The following BACH2 variants were observed in gnomAD, a reference collection of about 807,000 sequenced individuals.
BACH2 encodes BACH transcriptional regulator 2.
A neutral mutation model predicts 61.8 loss-of-function variants in BACH2; 5 were observed. That is an observed-to-expected ratio of 0.08 (90% CI 0.04 to 0.17). The LOEUF is 0.17. BACH2 is among the 10% of genes least tolerant of loss of function. The pLI, the probability that BACH2 is intolerant of heterozygous loss-of-function variation, is 1.00. For synonymous variants in BACH2, 446 were observed against 440.1 expected (o/e 1.01, Z -0.17); for missense variants, 824 against 1,091.1 (o/e 0.76, Z 3.45).
chr6:89,971,431 G>A (rs1279697637), intron 6 of BACH2, among the ~76,000 whole-genome samples: 1 of 152,146 alleles, frequency 6.6e-6, no homozygotes, highest in Non-Finnish European at 1.5e-5. Context: ...TAGGTGCTGG[G>A]GGCATAAAAC....
intron 4 of BACH2, among the ~76,000 whole-genome samples, chr6:90,117,644 C>T (rs1362017811): frequency 3.3e-5 from 5 of 152,126 alleles, no homozygotes; most frequent in African/African-American, 9.7e-5. Flanking sequence ...TAAGACACAA[C>T]AGGTGCTCAA....
At chr6:90,283,105 G>A (rs1771907428) in intron 1 of BACH2, among the ~76,000 whole-genome samples, 1 of 152,162 alleles carries the variant, frequency 6.6e-6, no homozygotes, top group African/African-American at 2.4e-5. Flanking sequence ...GTTTATTAAT[G>A]AAGCTGAGCA....
intron 6 of BACH2, among the ~76,000 whole-genome samples, chr6:89,970,753 T>C (rs944015844): frequency 6.6e-6 from 1 of 152,154 alleles, no homozygotes; most frequent in Non-Finnish European, 1.5e-5. Context: ...TCTTTGTTCA[T>C]ATGCCCAGGC....
chr6:90,024,410 C>T (rs565482104), intron 5 of BACH2, among the ~76,000 whole-genome samples: 1 of 152,128 alleles, frequency 6.6e-6, no homozygotes, highest in Non-Finnish European at 1.5e-5. Flanking sequence ...AGGGATGAGG[C>T]CTTTTGGGAG....
chr6:90,117,041 T>G, intron 4 of BACH2: 1 of 340,204 alleles, frequency 2.9e-6, no homozygotes, highest in East Asian at 7.0e-5. Context: ...GTACTGTCTA[T>G]GAATTCAGCC....
intron 6 of BACH2, among the ~76,000 whole-genome samples, chr6:89,959,618 G>A (rs1211529119): frequency 6.6e-6 from 1 of 152,260 alleles, no homozygotes; most frequent in African/African-American, 2.4e-5. Flanking sequence ...GTGTATCTCT[G>A]TAACACTACT....
chr6:89,997,919 A>G (rs959426683), intron 6 of BACH2, among the ~76,000 whole-genome samples: 1 of 152,228 alleles, frequency 6.6e-6, no homozygotes. Context: ...ACTTTTGGGA[A>G]GAATAAGCTG....
At chr6:90,175,197 C>T (rs1189524280) in intron 4 of BACH2, among the ~76,000 whole-genome samples, 2 of 151,574 alleles carry the variant, frequency 1.3e-5, no homozygotes, top group Middle Eastern at 3.4e-3. Context: ...GTCAATGTTA[C>T]TTCAAGTTGG....
At chr6:90,114,033 T>C (rs1422097991) in intron 4 of BACH2, among the ~76,000 whole-genome samples, 1 of 151,982 alleles carries the variant, frequency 6.6e-6, no homozygotes, top group African/African-American at 2.4e-5. Flanking sequence ...ATAAATAGCT[T>C]AGCAACCGAA....
intron 4 of BACH2, among the ~76,000 whole-genome samples, chr6:90,180,899 CAT>C (rs764024345): frequency 9.3e-5 from 14 of 150,496 alleles, no homozygotes; most frequent in South Asian, 2.1e-4. Flanking sequence ...ACATTCCTCA[CAT>C]GTTTTATCCA....
At chr6:89,977,736 T>C (rs1324122671) in intron 6 of BACH2, among the ~76,000 whole-genome samples, 1 of 152,048 alleles carries the variant, frequency 6.6e-6, no homozygotes, top group Non-Finnish European at 1.5e-5. Context: ...TATGTTAGGT[T>C]AAGTCATTGC....
chr6:90,051,796 T>C (rs1780059400), intron 5 of BACH2, among the ~76,000 whole-genome samples: 1 of 152,100 alleles, frequency 6.6e-6, no homozygotes, highest in Admixed American at 6.6e-5. Flanking sequence ...TCCCAGAACT[T>C]AAAATAAAAA....
intron 7 of BACH2, among the ~76,000 whole-genome samples, chr6:89,941,193 T>C (rs1282276240): frequency 6.6e-6 from 1 of 152,242 alleles, no homozygotes; most frequent in Non-Finnish European, 1.5e-5. Context: ...GGTTACATCA[T>C]TTGCAGGCAG....
At chr6:90,099,242 G>C (rs981855320) in intron 4 of BACH2, among the ~76,000 whole-genome samples, 1 of 152,096 alleles carries the variant, frequency 6.6e-6, no homozygotes, top group African/African-American at 2.4e-5. Context: ...GAGAAGTGTG[G>C]GGCAGTGAAT....
chr6:89,948,217 T>C lies in BACH2; in HGVS notation c.1836+2053A>G, dbSNP rs370338023. ...TTGAGCTTAATGGCCAGCCTTTTAT[T>C]TTTTTTTGAGACAGGGTCTCACTTT... On this transcript the variant is annotated intron_variant, in intron 7 of 8. Coordinates refer to ENST00000257749, the MANE Select transcript of BACH2 (RefSeq NM_021813.4). 1.2e-4 allele frequency among the ~76,000 whole-genome samples: 18 copies of C among 151,822 alleles called. 1 individual carries two copies. The South Asian group carries it at 1.9e-3, about 16-fold the overall frequency.
chr6:90,208,181 G>T (rs972675181), intron 3 of BACH2, among the ~76,000 whole-genome samples: 1 of 152,148 alleles, frequency 6.6e-6, no homozygotes, highest in African/African-American at 2.4e-5. Context: ...AAAAGCAATG[G>T]CAACAAAAGC....
At chr6:90,291,050 T>C (rs1398363944) in intron 1 of BACH2, among the ~76,000 whole-genome samples, 1 of 152,050 alleles carries the variant, frequency 6.6e-6, no homozygotes. Context: ...TCCTACAGCC[T>C]TCAGGAAAAG....
At chr6:89,945,866 TA>T (rs1170211397) in intron 7 of BACH2, among the ~76,000 whole-genome samples, 1 of 152,228 alleles carries the variant, frequency 6.6e-6, no homozygotes, top group Non-Finnish European at 1.5e-5. Context: ...ATATGGTGTG[TA>T]TATTTAGGAA....
intron 6 of BACH2, among the ~76,000 whole-genome samples, chr6:89,988,785 C>T (rs1776381055): frequency 1.3e-5 from 2 of 152,162 alleles, no homozygotes; most frequent in Admixed American, 6.5e-5. Context: ...TTATGAGCAA[C>T]TGGAGGCAAA....
Sources: gnomAD v4.1 joint callset for allele counts (sites outside exome capture counted in the v4.1 genomes callset) on GRCh38, gnomAD v4.1.1 for gene constraint, MANE v1.5 for transcripts, NCBI Gene and HGNC (gene_info 2026-07-23, HGNC 2026-07-21) for gene names.